TVP23A: variants seen among roughly 807,000 people sequenced by gnomAD.
TVP23A encodes Golgi apparatus membrane protein TVP23 homolog A.
In TVP23A, 21 loss-of-function variants were observed where a neutral mutation model predicts 31.7. The observed-to-expected ratio is 0.66, with a 90% CI of 0.47 to 0.95. The LOEUF is 0.95. TVP23A is among the 40% of genes least tolerant of loss of function. The probability of loss-of-function intolerance (pLI) is 0.00; values close to 1 mark genes in which losing one functional copy is unlikely to be tolerated. For missense variants in TVP23A, 279 were observed against 255.6 expected (o/e 1.09, Z -0.62); for synonymous variants, 104 against 96.0 (o/e 1.08, Z -0.49).
intron 2 of TVP23A, among the ~76,000 whole-genome samples, chr16:10,800,641 T>C (rs569653863): frequency 2.0e-5 from 3 of 152,264 alleles, no homozygotes; most frequent in Non-Finnish European, 4.4e-5. Context: ...TGGGAGGCTC[T>C]TTAGTTTATT....
At chr16:10,791,020 T>C (rs1050455403) in intron 2 of TVP23A, among the ~76,000 whole-genome samples, 5 of 152,290 alleles carry the variant, frequency 3.3e-5, no homozygotes, top group Non-Finnish European at 5.9e-5. Flanking sequence ...CCTTGGCCGA[T>C]AGGAGGGGTC....
At position 10,779,567 on chromosome 16, in the gene TVP23A, G is replaced by A. The variant is rs888394861; in HGVS notation, c.90-4471C>T. Among the ~76,000 whole-genome samples the A allele has an allele frequency of 9.9e-5, 15 of 152,198 alleles. No individual in the cohort carries two copies. Among genetic ancestry groups the A allele is most frequent in the African/African-American group, 3.4e-4 (14 of 41,454 alleles). On this transcript the variant is annotated intron_variant, in intron 2 of 7. Coordinates refer to ENST00000299866, the MANE Select transcript of TVP23A (RefSeq NM_001079512.4). This position sits in a 1 kb window ranked among gnomAD's most constrained non-coding sequence, Gnocchi z 4.9. ...CCCTTGAGAGGCAAACAGCACAGGG[G>A]CATGGCACCAGCTGCGTGTGTTCCC...
intron 2 of TVP23A, among the ~76,000 whole-genome samples, chr16:10,791,144 C>G (rs144914167): frequency 6.6e-5 from 10 of 152,220 alleles, no homozygotes; most frequent in African/African-American, 1.9e-4. Context: ...GTTCCTATCA[C>G]TCTACTTATT....
At chr16:10,812,305 G>T (rs557985833) in intron 2 of TVP23A, among the ~76,000 whole-genome samples, 1 of 152,330 alleles carries the variant, frequency 6.6e-6, no homozygotes, top group Admixed American at 6.5e-5. Flanking sequence ...GTACAGTGTT[G>T]ATGGGATTGT....
downstream of TVP23A, chr16:10,761,199 C>T (rs549356610): frequency 7.4e-5 from 42 of 566,896 alleles, no homozygotes; most frequent in East Asian, 9.5e-4. Context: ...GATTACAGTT[C>T]GAGCTGAGAT....
intron 2 of TVP23A, among the ~76,000 whole-genome samples, chr16:10,798,303 C>G (rs2033517156): frequency 6.6e-6 from 1 of 152,004 alleles, no homozygotes; most frequent in Non-Finnish European, 1.5e-5. Flanking sequence ...TACTTCCTTT[C>G]AAATTACAGT....
intron 2 of TVP23A, among the ~76,000 whole-genome samples, chr16:10,796,337 T>G: frequency 6.6e-6 from 1 of 151,762 alleles, no homozygotes; most frequent in African/African-American, 2.4e-5. Flanking sequence ...CAAGACCCTG[T>G]CTCAAAAAAA....
intron 2 of TVP23A, among the ~76,000 whole-genome samples, chr16:10,796,670 C>T (rs2033406999): frequency 6.6e-6 from 1 of 152,086 alleles, no homozygotes; most frequent in Non-Finnish European, 1.5e-5. Flanking sequence ...GATCTCCTGA[C>T]CTTGTGATCA....
chr16:10,757,874 C>T, downstream of TVP23A: 2 of 1,613,362 alleles, frequency 1.2e-6, no homozygotes, highest in Non-Finnish European at 1.7e-6. The surrounding 1 kb of genome is among the most constrained non-coding windows in gnomAD (Gnocchi z 4.1). Context: ...TCTTTCTAGG[C>T]ATGATCAAGC....
At chr16:10,758,048 A>T, downstream of TVP23A, 1 of 1,609,908 alleles carries the variant, frequency 6.2e-7, no homozygotes, top group East Asian at 2.2e-5. Context: ...TGCCAGCTGG[A>T]GCTGGGTCCA....
Position 10,770,257 on chromosome 16 carries a change from T to C in TVP23A, c.*15A>G. 1.9e-6 allele frequency: 3 copies of C among 1,550,676 alleles called. No homozygotes were observed. The highest frequency in any genetic ancestry group is 1.7e-6 in the Non-Finnish European group (2 of 1,146,736). ...CCCCAGTTCCTCCACACGGGTGCCATGATCCATTTCTCACCTAATGCTGGT... is the reference window on the plus strand; with the variant it reads ...CCCCAGTTCCTCCACACGGGTGCCACGATCCATTTCTCACCTAATGCTGGT... On this transcript the variant is annotated intron_variant, in intron 7 of 7. Coordinates refer to ENST00000299866, the MANE Select transcript of TVP23A (RefSeq NM_001079512.4).
chr16:10,775,090 G>C lies in TVP23A; in HGVS notation c.96C>G (p.Pro32=). The change falls in exon 3 of 8, where the codon CCC becomes CCG. Residue 32 remains proline (P), a synonymous_variant. Transcript: ENST00000299866. ...AAAACAGGTGGAAAAAGGTGGCCAA[G>C]GGGTGTCTAGGAAAGGACCCAGAAG... The part of the protein sequence containing the change: ...LAFRKAKIRH[P]LATFFHLFFR... 2 of 1,607,350 alleles carry C rather than the reference G, an allele frequency of 1.2e-6. No homozygotes were observed. The highest frequency in any genetic ancestry group is 1.7e-6 in the Non-Finnish European group (2 of 1,176,966).
downstream of TVP23A, among the ~76,000 whole-genome samples, chr16:10,764,403 G>A (rs1421721668): frequency 2.6e-5 from 4 of 151,958 alleles, no homozygotes; most frequent in African/African-American, 7.3e-5. Flanking sequence ...GTCTGCTGGA[G>A]TATTTGTCTA....
chr16:10,812,795 A>G (rs138059217), intron 2 of TVP23A, among the ~76,000 whole-genome samples: 4 of 152,198 alleles, frequency 2.6e-5, no homozygotes, highest in African/African-American at 9.6e-5. Context: ...AGATGAAAAC[A>G]CTCTGTTTCA....
chr16:10,770,663 A>C (rs924679381), intron 6 of TVP23A, among the ~76,000 whole-genome samples: 6 of 151,832 alleles, frequency 4.0e-5, no homozygotes, highest in Admixed American at 3.9e-4. Flanking sequence ...ACTTGAGGCA[A>C]GGAGTTCGAG....
At chr16:10,770,796 G>A (rs144014629) in intron 6 of TVP23A, among the ~76,000 whole-genome samples, 4 of 146,792 alleles carry the variant, frequency 2.7e-5, no homozygotes, top group Admixed American at 6.8e-5. Context: ...ACTTGAACCC[G>A]GAGCCGGAGG....
Position 10,779,816 on chromosome 16 carries a change from G to T in TVP23A, c.90-4720C>A, listed in dbSNP as rs562789122. On this transcript the variant is annotated intron_variant, in intron 2 of 7. Transcript: ENST00000299866. This position sits in a 1 kb window ranked among gnomAD's most constrained non-coding sequence, Gnocchi z 4.9. ...CTAAAATAAGTGATTGGCCGGGGGC[G>T]GTGGCTCACGCCTGTAATCCCCAGC... Among the ~76,000 whole-genome samples the T allele has an allele frequency of 6.6e-6, 1 of 152,196 alleles. No individual in the cohort carries two copies. Among genetic ancestry groups the T allele is most frequent in the African/African-American group, 2.4e-5 (1 of 41,450 alleles).
chr16:10,770,048 A>G (rs1255271951), intron 7 of TVP23A, among the ~76,000 whole-genome samples: 1 of 152,194 alleles, frequency 6.6e-6, no homozygotes, highest in East Asian at 1.9e-4. Context: ...AGTGTGAGGA[A>G]GGTGTGACCT....
downstream of TVP23A, among the ~76,000 whole-genome samples, chr16:10,760,194 G>A (rs77786340): frequency 6.6e-6 from 1 of 152,238 alleles, no homozygotes; most frequent in South Asian, 2.1e-4. Flanking sequence ...AAACTTTTCT[G>A]TAAAGGGCCA....
Sources: gnomAD v4.1 joint callset for allele counts (sites outside exome capture counted in the v4.1 genomes callset) on GRCh38, gnomAD v4.1.1 for gene constraint, Gnocchi (gnomAD v3.1) non-coding constraint, MANE v1.5 for transcripts, NCBI Gene and HGNC (gene_info 2026-07-23, HGNC 2026-07-21) for gene names.